The following SLC44A5 variants were observed in gnomAD, a reference collection of about 807,000 sequenced individuals.
SLC44A5 encodes choline transporter-like protein 5.
Under a neutral mutation model 101.8 loss-of-function variants are expected in SLC44A5, and 57 were observed. That is an observed-to-expected ratio of 0.56 (90% confidence interval 0.45 to 0.70). The LOEUF (loss-of-function observed/expected upper bound fraction) is 0.70. Ranked by LOEUF, SLC44A5 falls within the 30% of genes least tolerant of loss-of-function variation. SLC44A5 has a pLI of 0.00. For synonymous variants in SLC44A5, 281 were observed against 290.9 expected, an observed-to-expected ratio of 0.97 and a Z score of 0.35; for missense variants, 737 against 853.1, an observed-to-expected ratio of 0.86 and a Z score of 1.70.
the SLC44A5 span, among the ~76,000 whole-genome samples, chr1:75,642,549 G>T: frequency 7.1e-4 from 107 of 151,206 alleles, no homozygotes; most frequent in Non-Finnish European, 1.0e-3. Context: ...TTCCTATTCT[G>T]ATTGACTTAT....
In SLC44A5 at chr1:75,238,377, G is replaced by A. The variant is rs1320963283; in HGVS notation, c.656+136C>T. On this transcript the variant is annotated intron_variant, in intron 10 of 23. Transcript: ENST00000370859. ...CAAGCTCTTCAATTCACAGTAACACGTATATTTCATATATATATATATATA... is the reference window on the plus strand; with the variant it reads ...CAAGCTCTTCAATTCACAGTAACACATATATTTCATATATATATATATATA... 333 of 214,316 alleles carry A rather than the reference G, an allele frequency of 1.6e-3. 2 individuals carry two copies. Among genetic ancestry groups the A allele is most frequent in the Non-Finnish European group, 2.0e-3 (262 of 131,334 alleles). The allele number at this position is 214,316 out of a possible 1,614,324, so 13.3% of individuals were successfully genotyped here.
intron 1 of SLC44A5, among the ~76,000 whole-genome samples, chr1:75,599,761 A>G (rs1172091128): frequency 9.8e-5 from 15 of 152,316 alleles, no homozygotes; most frequent in Admixed American, 7.9e-4. Context: ...AGAGAAGCAT[A>G]AAAGAATGTG....
chr1:75,717,401 T>C, the SLC44A5 span, among the ~76,000 whole-genome samples: 171 of 150,262 alleles, frequency 1.1e-3, no homozygotes, highest in African/African-American at 4.0e-3. Flanking sequence ...ATAAGTAGGA[T>C]CTGAACATTG....
At chr1:75,388,981 A>G (rs992523164) in intron 3 of SLC44A5, among the ~76,000 whole-genome samples, 1 of 152,010 alleles carries the variant, frequency 6.6e-6, no homozygotes, top group Non-Finnish European at 1.5e-5. Context: ...TTTGGGATAG[A>G]AAAAGGTCTA....
At chr1:75,579,415 C>T (rs1673554946) in intron 1 of SLC44A5, among the ~76,000 whole-genome samples, 1 of 152,156 alleles carries the variant, frequency 6.6e-6, no homozygotes, top group African/African-American at 2.4e-5. Context: ...TGCACTCCAA[C>T]CTGTGTGACA....
chr1:75,262,260 C>A (rs1650583583), intron 6 of SLC44A5, among the ~76,000 whole-genome samples: 2 of 152,230 alleles, frequency 1.3e-5, no homozygotes, highest in African/African-American at 4.8e-5. Flanking sequence ...CCCAAATCTT[C>A]TTAAGCTGAT....
At chr1:75,302,601 T>A (rs1479208887) in intron 4 of SLC44A5, among the ~76,000 whole-genome samples, 1 of 152,166 alleles carries the variant, frequency 6.6e-6, no homozygotes, top group Non-Finnish European at 1.5e-5. Context: ...TTCCTATACA[T>A]GCAGACCTAT....
intron 7 of SLC44A5, among the ~76,000 whole-genome samples, chr1:75,246,341 G>C (rs1208555248): frequency 2.0e-5 from 3 of 152,068 alleles, no homozygotes; most frequent in Non-Finnish European, 4.4e-5. Flanking sequence ...TGATAGATTT[G>C]TAGAGTACAG....
At chr1:75,443,401 T>C (rs188580786) in intron 2 of SLC44A5, among the ~76,000 whole-genome samples, 91 of 152,002 alleles carry the variant, frequency 6.0e-4, no homozygotes, top group African/African-American at 2.1e-3. Flanking sequence ...TAAATGGATA[T>C]TGAATATGAA....
chr1:75,653,272 A>C, the SLC44A5 span, among the ~76,000 whole-genome samples: 1 of 152,210 alleles, frequency 6.6e-6, no homozygotes, highest in Non-Finnish European at 1.5e-5. Flanking sequence ...ACCAGAGGTC[A>C]GGAGTGTGAG....
At chr1:75,315,002 G>T (rs1335807872) in intron 4 of SLC44A5, among the ~76,000 whole-genome samples, 1 of 152,016 alleles carries the variant, frequency 6.6e-6, no homozygotes, top group Non-Finnish European at 1.5e-5. Flanking sequence ...ATCACAATCT[G>T]GGAATTTAGA....
intron 23 of SLC44A5, 55 bp downstream of exon 23, chr1:75,211,413 A>G (rs1314854294): frequency 2.3e-5 from 32 of 1,398,586 alleles, no homozygotes; most frequent in Non-Finnish European, 3.0e-5. Context: ...GGCCTTCACC[A>G]TCTCACCTTT....
chr1:75,458,253 C>T (rs1321249272), intron 2 of SLC44A5, among the ~76,000 whole-genome samples: 1 of 152,064 alleles, frequency 6.6e-6, no homozygotes, highest in East Asian at 1.9e-4. Context: ...TGTGAGATCT[C>T]ACCCAAACAT....
At position 75,457,727 on chromosome 1, in the gene SLC44A5, G is replaced by A. The variant is rs531883556; in HGVS notation, c.14-61106C>T. ...ACAAAAACTAGCCGGGCATGGAGGC[G>A]CATGCCTGTAATCCAGCTACTAGGG... On this transcript the variant is annotated intron_variant, in intron 2 of 23. Transcript: ENST00000370859. 5.3e-5 allele frequency among the ~76,000 whole-genome samples: 8 copies of A among 152,180 alleles called. No homozygotes were observed. In the South Asian group the frequency reaches 1.5e-3, roughly 28 times the overall value.
intron 4 of SLC44A5, among the ~76,000 whole-genome samples, chr1:75,305,196 C>T (rs1219463595): frequency 6.6e-6 from 1 of 152,048 alleles, no homozygotes; most frequent in Non-Finnish European, 1.5e-5. Context: ...TTGACTTTCC[C>T]TTTTTGTTAG....
intron 2 of SLC44A5, among the ~76,000 whole-genome samples, chr1:75,440,750 ACT>A (rs906147998): frequency 4.6e-5 from 7 of 151,900 alleles, no homozygotes; most frequent in African/African-American, 1.7e-4. Flanking sequence ...TTTAAGGAAA[ACT>A]CTTTCAAGAA....
chr1:75,352,681 G>A (rs1161968086), intron 3 of SLC44A5, among the ~76,000 whole-genome samples: 1 of 152,064 alleles, frequency 6.6e-6, no homozygotes, highest in Admixed American at 6.6e-5. Context: ...CTGCTAGTGA[G>A]AATAAAAATT....
At chr1:75,570,971 C>T (rs1570640311) in intron 1 of SLC44A5, among the ~76,000 whole-genome samples, 1 of 152,258 alleles carries the variant, frequency 6.6e-6, no homozygotes, top group East Asian at 1.9e-4. Flanking sequence ...TACCCAGAGC[C>T]CCCAGTCAGT....
the SLC44A5 span, among the ~76,000 whole-genome samples, chr1:75,701,152 T>G: frequency 6.6e-6 from 1 of 152,184 alleles, no homozygotes; most frequent in East Asian, 1.9e-4. Context: ...CCCTAACTCA[T>G]TTTATGAGCC....
Sources: allele counts gnomAD v4.1 joint callset (sites outside exome capture counted in the v4.1 genomes callset), GRCh38; gene constraint gnomAD v4.1.1; transcripts MANE v1.5; gene names NCBI Gene and HGNC (gene_info 2026-07-23, HGNC 2026-07-21).